TXNL4A: variants seen among roughly 807,000 people sequenced by gnomAD.
The protein encoded by TXNL4A is thioredoxin like 4A.
In TXNL4A, 17 loss-of-function variants were observed where a neutral mutation model predicts 14.6. The ratio of observed to expected loss-of-function variants is 1.16; its 90% confidence interval spans 0.80 to 1.74. The LOEUF is 1.74. Among genes scored for constraint, TXNL4A ranks in the 40% most tolerant of loss-of-function variants. The pLI, the probability that TXNL4A is intolerant of heterozygous loss-of-function variation, is 0.00. For missense variants in TXNL4A, 74 were observed against 195.2 expected, an observed-to-expected ratio of 0.38 and a Z score of 3.70; for synonymous variants, 83 against 70.6, an observed-to-expected ratio of 1.18 and a Z score of -0.88.
At chr18:80,020,665 T>G (rs1001689584) in intron 1 of TXNL4A, among the ~76,000 whole-genome samples, 7 of 152,214 alleles carry the variant, frequency 4.6e-5, no homozygotes, top group Non-Finnish European at 7.3e-5. Context: ...TTTAGCTGAT[T>G]AAAGGCCTTC....
chr18:80,028,543 C>T (rs1220803909), intron 1 of TXNL4A, among the ~76,000 whole-genome samples: 1 of 152,124 alleles, frequency 6.6e-6, no homozygotes, highest in Non-Finnish European at 1.5e-5. Context: ...AGAGATGCCA[C>T]TGGATCATGC....
chr18:79,976,758 A>C (rs780474770), intron 2 of TXNL4A: 1 of 456,586 alleles, frequency 2.2e-6, no homozygotes. Context: ...TCTAATGCTC[A>C]TGTAGCTAAT....
intron 1 of TXNL4A, among the ~76,000 whole-genome samples, chr18:80,003,991 C>G (rs559520229): frequency 6.6e-6 from 1 of 152,256 alleles, no homozygotes; most frequent in East Asian, 1.9e-4. Flanking sequence ...GATTACAATT[C>G]AAGATGAGAT....
intron 1 of TXNL4A, among the ~76,000 whole-genome samples, chr18:80,001,872 T>C (rs995752944): frequency 3.9e-5 from 6 of 152,284 alleles, no homozygotes; most frequent in Admixed American, 3.9e-4. Flanking sequence ...CTGTGAACTT[T>C]TGAGTTAATG....
At chr18:80,020,839 A>G (rs2051843979) in intron 1 of TXNL4A, among the ~76,000 whole-genome samples, 1 of 152,172 alleles carries the variant, frequency 6.6e-6, no homozygotes, top group African/African-American at 2.4e-5. Flanking sequence ...TCCAGGGAGG[A>G]GAAATGGGGA....
At chr18:79,998,673 T>TC (rs758464856) in intron 1 of TXNL4A, among the ~76,000 whole-genome samples, 15 of 148,784 alleles carry the variant, frequency 1.0e-4, no homozygotes, top group Non-Finnish European at 1.8e-4. Context: ...AAGTATGGGT[T>TC]CCCCCCTTAC....
intron 1 of TXNL4A, among the ~76,000 whole-genome samples, chr18:80,006,915 T>C (rs1257402517): frequency 1.3e-5 from 2 of 152,176 alleles, no homozygotes; most frequent in African/African-American, 4.8e-5. Context: ...TTTATGCAAA[T>C]GGAGTCTCTA....
intron 1 of TXNL4A, among the ~76,000 whole-genome samples, chr18:80,018,851 A>C (rs1478457674): frequency 1.3e-5 from 2 of 152,224 alleles, no homozygotes; most frequent in South Asian, 4.1e-4. Flanking sequence ...TCGAGTTAAA[A>C]GTTCCACAGT....
At chr18:80,009,406 C>T (rs2051755023) in intron 1 of TXNL4A, among the ~76,000 whole-genome samples, 2 of 152,080 alleles carry the variant, frequency 1.3e-5, no homozygotes, top group Non-Finnish European at 1.5e-5. Flanking sequence ...TGGTTAATGA[C>T]ACACCTGCTT....
chr18:80,029,264 C>G (rs1266649895), intron 1 of TXNL4A, among the ~76,000 whole-genome samples: 1 of 152,202 alleles, frequency 6.6e-6, no homozygotes, highest in African/African-American at 2.4e-5. Flanking sequence ...CCATCCTTCA[C>G]AGTGGCACAA....
intron 1 of TXNL4A, among the ~76,000 whole-genome samples, chr18:80,032,658 G>A (rs574472360): frequency 1.3e-5 from 2 of 152,252 alleles, no homozygotes; most frequent in African/African-American, 4.8e-5. Context: ...TGGCCAACAT[G>A]GGGAAACACC....
chr18:79,994,032 G>C (rs538629171), intron 1 of TXNL4A, among the ~76,000 whole-genome samples: 1 of 152,170 alleles, frequency 6.6e-6, no homozygotes, highest in African/African-American at 2.4e-5. Flanking sequence ...GGTTGAATCC[G>C]AAGGGGAACT....
chr18:80,008,171 G>A (rs149443296), intron 1 of TXNL4A, among the ~76,000 whole-genome samples: 1 of 152,318 alleles, frequency 6.6e-6, no homozygotes, highest in East Asian at 1.9e-4. Context: ...GGTGTTATGA[G>A]TGTGCTCTCC....
In TXNL4A at chr18:79,988,315, G is replaced by T; in HGVS notation, c.78C>A (p.Val26=). ...QAILSEEDRV[V]VIRFGHDWDP... is the part of the protein sequence containing the mutation. ...CCCAGTCGTGGCCGAAGCGGATGAC[G>T]ACCACGCGGTCCTCCTCCGAGAGGA... The change falls in exon 1 of 3, where the codon GTC becomes GTA. Residue 26 remains valine (V), a synonymous_variant. Transcript: ENST00000269601. 1 of 1,600,470 alleles carries T rather than the reference G, an allele frequency of 6.2e-7. No homozygotes were observed. The highest frequency in any genetic ancestry group is 1.1e-5 in the South Asian group (1 of 89,122).
chr18:80,002,053 A>C (rs2145105348), intron 1 of TXNL4A, among the ~76,000 whole-genome samples: 1 of 152,248 alleles, frequency 6.6e-6, no homozygotes, highest in Admixed American at 6.5e-5. Context: ...AGGGATCTGG[A>C]GGGAGATAAT....
At chr18:79,985,521 G>A (rs1179142851) in intron 1 of TXNL4A, among the ~76,000 whole-genome samples, 1 of 152,206 alleles carries the variant, frequency 6.6e-6, no homozygotes, top group African/African-American at 2.4e-5. Context: ...CCAAAATGCT[G>A]GGACCACAGG....
At chr18:80,006,632 G>A (rs2051733058) in intron 1 of TXNL4A, among the ~76,000 whole-genome samples, 1 of 152,180 alleles carries the variant, frequency 6.6e-6, no homozygotes, top group African/African-American at 2.4e-5. Context: ...AATACCTGAG[G>A]TTTGTTGCCT....
chr18:79,999,292 T>C (rs947743606), intron 1 of TXNL4A, among the ~76,000 whole-genome samples: 1 of 152,010 alleles, frequency 6.6e-6, no homozygotes, highest in Non-Finnish European at 1.5e-5. Context: ...TCCCAGCACT[T>C]TGGGAGGCCG....
At chr18:79,979,737 ACT>A (rs2051434710) in intron 1 of TXNL4A, 1 of 151,986 alleles carries the variant, frequency 6.6e-6, no homozygotes, top group South Asian at 2.1e-4. Context: ...TTCTTCTGTT[ACT>A]CTCTGATTGT....
Sources: allele counts gnomAD v4.1 joint callset (sites outside exome capture counted in the v4.1 genomes callset), GRCh38; gene constraint gnomAD v4.1.1; transcripts MANE v1.5; gene names NCBI Gene and HGNC (gene_info 2026-07-23, HGNC 2026-07-21).